Variants in CADM2 observed in about 807,000 individuals in gnomAD.
CADM2 encodes the protein cell adhesion molecule 2, also known as immunoglobulin superfamily member 4D.
CADM2 carries 12 observed loss-of-function variants against 49.8 expected under a neutral mutation model. The observed-to-expected ratio is 0.24, with a 90% CI of 0.15 to 0.39. The LOEUF (loss-of-function observed/expected upper bound fraction) is 0.39, where lower values mean the gene tolerates loss of function less well. Ranked by LOEUF, CADM2 falls within the 10% of genes least tolerant of loss-of-function variation. The pLI is 1.00. For missense variants in CADM2, 378 were observed against 492.3 expected, an observed-to-expected ratio of 0.77 and a Z score of 2.20; for synonymous variants, 214 against 175.4, an observed-to-expected ratio of 1.22 and a Z score of -1.74.
At chr3:85,789,624 CT>C (rs898459456) in intron 2 of CADM2, among the ~76,000 whole-genome samples, 4 of 152,098 alleles carry the variant, frequency 2.6e-5, no homozygotes, top group African/African-American at 9.7e-5. Context: ...ATCAAGTTCA[CT>C]TTTTCCTTGA....
chr3:85,284,472 G>A (rs899460079), intron 1 of CADM2, among the ~76,000 whole-genome samples: 5 of 152,154 alleles, frequency 3.3e-5, no homozygotes, highest in South Asian at 2.1e-4. Flanking sequence ...AAGTGTAGGG[G>A]TGTTGTGGAT....
At chr3:85,772,981 A>G (rs1490192727) in intron 2 of CADM2, among the ~76,000 whole-genome samples, 4 of 151,180 alleles carry the variant, frequency 2.6e-5, no homozygotes, top group Non-Finnish European at 5.9e-5. Context: ...TGATAAATAT[A>G]TTAGTTAGGT....
intron 1 of CADM2, among the ~76,000 whole-genome samples, chr3:84,965,331 G>C (rs1025462617): frequency 9.2e-5 from 14 of 152,190 alleles, no homozygotes; most frequent in South Asian, 6.2e-4. Flanking sequence ...CAGGCCTAAT[G>C]TGCTCTGCAG....
At chr3:85,090,043 G>A (rs1373928141) in intron 1 of CADM2, among the ~76,000 whole-genome samples, 2 of 151,576 alleles carry the variant, frequency 1.3e-5, no homozygotes, top group African/African-American at 4.9e-5. Context: ...TTTTTTTCCA[G>A]ACATAATATT....
At chr3:85,821,431 T>A (rs533374245) in intron 3 of CADM2, among the ~76,000 whole-genome samples, 32 of 152,286 alleles carry the variant, frequency 2.1e-4, no homozygotes, top group South Asian at 8.3e-4. Flanking sequence ...CTTCCTACTC[T>A]TATTCATATC....
intron 1 of CADM2, among the ~76,000 whole-genome samples, chr3:85,174,360 T>G (rs1252449931): frequency 6.6e-6 from 1 of 152,020 alleles, no homozygotes; most frequent in Non-Finnish European, 1.5e-5. Flanking sequence ...TTAATTTGCT[T>G]TTTAGCGAAA....
At chr3:85,833,554 G>A (rs1233530407) in intron 3 of CADM2, among the ~76,000 whole-genome samples, 1 of 151,528 alleles carries the variant, frequency 6.6e-6, no homozygotes, top group Non-Finnish European at 1.5e-5. Flanking sequence ...TCCTGACTCA[G>A]TCTTGTGAGG....
intron 7 of CADM2, among the ~76,000 whole-genome samples, chr3:85,949,107 A>T (rs1205945378): frequency 2.0e-5 from 3 of 151,516 alleles, no homozygotes; most frequent in Non-Finnish European, 4.4e-5. Flanking sequence ...AACTCCTAGG[A>T]TACAGCACTC....
At chr3:85,303,481 A>C (rs1057480110) in intron 1 of CADM2, among the ~76,000 whole-genome samples, 1 of 151,878 alleles carries the variant, frequency 6.6e-6, no homozygotes, top group Admixed American at 6.6e-5. Flanking sequence ...TGAATTGATG[A>C]AATTGGGAAG....
chr3:85,223,435 C>T (rs72913088), intron 1 of CADM2, among the ~76,000 whole-genome samples: 10,328 of 152,040 alleles, frequency 0.068, 1,154 homozygotes, highest in African/African-American at 0.23. Context: ...ACTTGAATAT[C>T]CTCTGGCATT....
At chr3:85,231,719 T>G (rs1559733764) in intron 1 of CADM2, among the ~76,000 whole-genome samples, 1 of 150,954 alleles carries the variant, frequency 6.6e-6, no homozygotes, top group East Asian at 1.9e-4. Flanking sequence ...TTTTTTTTTT[T>G]TTTTGTTTTT....
intron 1 of CADM2, among the ~76,000 whole-genome samples, chr3:85,014,434 A>T (rs1249921091): frequency 6.8e-6 from 1 of 147,776 alleles, no homozygotes; most frequent in Admixed American, 6.7e-5. Flanking sequence ...ACATAGGAAA[A>T]AAACATAGTG....
At chr3:85,217,600 ATAT>A (rs1465141468) in intron 1 of CADM2, among the ~76,000 whole-genome samples, 4 of 152,080 alleles carry the variant, frequency 2.6e-5, no homozygotes, top group African/African-American at 9.6e-5. Flanking sequence ...CTGCATAAAA[ATAT>A]TATAGCACTT....
chr3:85,787,562 T>C (rs1299472478), intron 2 of CADM2, among the ~76,000 whole-genome samples: 2 of 152,124 alleles, frequency 1.3e-5, no homozygotes, highest in African/African-American at 4.8e-5. Context: ...TGAAACCTGC[T>C]TATATTAAAA....
At chr3:85,901,073 T>C (rs1716058124) in intron 5 of CADM2, among the ~76,000 whole-genome samples, 1 of 152,208 alleles carries the variant, frequency 6.6e-6, no homozygotes, top group South Asian at 2.1e-4. Flanking sequence ...GGTGCACACC[T>C]GTAATCCCAG....
intron 1 of CADM2, among the ~76,000 whole-genome samples, chr3:85,038,871 T>G (rs530483174): frequency 3.9e-5 from 6 of 152,164 alleles, no homozygotes; most frequent in Non-Finnish European, 7.3e-5. Flanking sequence ...TTATCTACAT[T>G]ATAAATAAAT....
intron 8 of CADM2, among the ~76,000 whole-genome samples, chr3:85,995,065 C>T (rs1342601479): frequency 1.7e-5 from 2 of 120,522 alleles, no homozygotes; most frequent in Non-Finnish European, 3.5e-5. Context: ...CAAAGTGAAG[C>T]ACAATAAAAT....
chr3:86,013,380 A>G (rs1731798476), intron 8 of CADM2: 3 of 1,534,492 alleles, frequency 2.0e-6, no homozygotes, highest in East Asian at 2.3e-5. Context: ...AAAGCAAAAT[A>G]TACCTCTGGA....
At chr3:85,478,905 G>T (rs1160849486) in intron 1 of CADM2, among the ~76,000 whole-genome samples, 2 of 151,804 alleles carry the variant, frequency 1.3e-5, no homozygotes, top group Non-Finnish European at 2.9e-5. Context: ...TTACTCCTTT[G>T]ATGACTTCCA....
Sources: allele counts gnomAD v4.1 joint callset (sites outside exome capture counted in the v4.1 genomes callset), GRCh38; gene constraint gnomAD v4.1.1; transcripts MANE v1.5; gene names NCBI Gene and HGNC (gene_info 2026-07-23, HGNC 2026-07-21).